The following KCTD16 variants were observed in gnomAD, a reference collection of about 807,000 sequenced individuals.
The protein encoded by KCTD16 is potassium channel tetramerization domain containing 16, also known as BTB/POZ domain-containing protein KCTD16.
Under a neutral mutation model 33.2 loss-of-function variants are expected in KCTD16, and 13 were observed. The ratio of observed to expected loss-of-function variants is 0.39; its 90% confidence interval spans 0.25 to 0.62. The LOEUF (loss-of-function observed/expected upper bound fraction) is 0.62. Among genes scored for constraint, KCTD16 ranks in the 20% least tolerant of loss-of-function variants. KCTD16 has a pLI of 0.50. For missense variants in KCTD16, 441 were observed against 525.1 expected, an observed-to-expected ratio of 0.84 and a Z score of 1.57; for synonymous variants, 197 against 195.3, an observed-to-expected ratio of 1.01 and a Z score of -0.07.
At chr5:144,435,087 A>T (rs2126972108) in intron 3 of KCTD16, among the ~76,000 whole-genome samples, 1 of 152,312 alleles carries the variant, frequency 6.6e-6, no homozygotes, top group South Asian at 2.1e-4. Flanking sequence ...TTCTTAAAAA[A>T]GTTTTTGTGA....
chr5:144,266,669 C>T (rs1174212978), intron 3 of KCTD16, among the ~76,000 whole-genome samples: 1 of 152,170 alleles, frequency 6.6e-6, no homozygotes, highest in Non-Finnish European at 1.5e-5. Flanking sequence ...CTGTAAAACA[C>T]AAATGAGTTT....
chr5:144,463,499 T>G (rs183326787), intron 3 of KCTD16, among the ~76,000 whole-genome samples: 1 of 152,312 alleles, frequency 6.6e-6, no homozygotes, highest in Non-Finnish European at 1.5e-5. Flanking sequence ...CACTCTCCTA[T>G]CAGAGAAGCA....
At chr5:144,456,486 G>A (rs1216485151) in intron 3 of KCTD16, among the ~76,000 whole-genome samples, 1 of 152,066 alleles carries the variant, frequency 6.6e-6, no homozygotes, top group African/African-American at 2.4e-5. Context: ...CGCACACAGG[G>A]GGGTCAGGGG....
At position 144,206,856 on chromosome 5, in the gene KCTD16, C is replaced by T. The variant is rs772167812; in HGVS notation, c.142C>T (p.His48Tyr). 6 of 1,614,182 alleles carry T rather than the reference C, an allele frequency of 3.7e-6. No individual in the cohort carries two copies. The Admixed American group carries it at 6.7e-5, about 18-fold the overall frequency. ...TRHSTLISIP[H>Y]SLLWKMFSPK... ...CCATTCCACATTGATAAGCATCCCT[C>T]ATTCCCTCCTGTGGAAAATGTTTTC... is the stretch of plus-strand genomic sequence containing the variant. Residue 48 changes from histidine to tyrosine, a missense_variant, in exon 3 of 4, where the codon CAT becomes TAT. By Grantham distance (83) the His-to-Tyr change is moderately conservative (BLOSUM62 2). Coordinates refer to ENST00000512467, the MANE Select transcript of KCTD16 (RefSeq NM_020768.4).
intron 3 of KCTD16, among the ~76,000 whole-genome samples, chr5:144,467,207 C>G (rs1051135825): frequency 6.7e-6 from 1 of 150,282 alleles, no homozygotes; most frequent in Non-Finnish European, 1.5e-5. Flanking sequence ...ATGTTTTTGT[C>G]ATATGTATAT....
At chr5:144,451,253 G>GA (rs772346707) in intron 3 of KCTD16, among the ~76,000 whole-genome samples, 12 of 152,056 alleles carry the variant, frequency 7.9e-5, no homozygotes, top group Non-Finnish European at 1.8e-4. Context: ...AAATTAGAGA[G>GA]CAGATTTTTT....
intron 3 of KCTD16, among the ~76,000 whole-genome samples, chr5:144,346,448 G>A (rs1346969495): frequency 6.6e-6 from 1 of 151,996 alleles, no homozygotes; most frequent in African/African-American, 2.4e-5. Context: ...TCTCCAAAGT[G>A]GCTGTGCTCA....
At chr5:144,432,828 A>T (rs1753494873) in intron 3 of KCTD16, among the ~76,000 whole-genome samples, 1 of 152,112 alleles carries the variant, frequency 6.6e-6, no homozygotes, top group African/African-American at 2.4e-5. Context: ...TGTACCAGCT[A>T]CCTATATATG....
chr5:144,476,855 T>C lies in KCTD16; in HGVS notation c.*2741T>C, dbSNP rs553807119. Reference sequence around the variant, plus strand: ...GCATGTTTCCCTGAAGTTAAAATAGTTTTTAGAACTTTTTGTTTAATTCTG... The same window carrying C: ...GCATGTTTCCCTGAAGTTAAAATAGCTTTTAGAACTTTTTGTTTAATTCTG... On this transcript the variant is annotated 3_prime_UTR_variant, in exon 4 of 4. Transcript: ENST00000512467. The C allele has an allele frequency of 3.3e-5, 5 of 152,186 alleles. No homozygotes were observed. In the East Asian group the frequency reaches 9.7e-4, roughly 29 times the overall value. 9.4% of individuals were successfully genotyped at this position (152,186 alleles called of 1,614,324 possible).
At chr5:144,408,525 C>T (rs986606077) in intron 3 of KCTD16, among the ~76,000 whole-genome samples, 1 of 152,166 alleles carries the variant, frequency 6.6e-6, no homozygotes, top group Admixed American at 6.5e-5. Context: ...GTCTTTGGCT[C>T]ATTTGTTACA....
chr5:144,256,259 C>T (rs1249555152), intron 3 of KCTD16, among the ~76,000 whole-genome samples: 2 of 152,168 alleles, frequency 1.3e-5, no homozygotes, highest in Admixed American at 1.3e-4. Flanking sequence ...ATTCTTTGTA[C>T]GGATATAAAC....
intron 3 of KCTD16, among the ~76,000 whole-genome samples, chr5:144,343,842 G>A (rs1179477516): frequency 6.6e-6 from 1 of 152,152 alleles, no homozygotes; most frequent in Admixed American, 6.5e-5. Flanking sequence ...TATGTACCCA[G>A]TAGTCATTCA....
intron 3 of KCTD16, among the ~76,000 whole-genome samples, chr5:144,275,486 T>G (rs764537823): frequency 6.6e-6 from 1 of 152,142 alleles, no homozygotes; most frequent in Non-Finnish European, 1.5e-5. Context: ...CTTTGGAGAT[T>G]TCTCCCCTTT....
intron 3 of KCTD16, among the ~76,000 whole-genome samples, chr5:144,322,371 A>C (rs374685968): frequency 2.6e-5 from 4 of 152,158 alleles, no homozygotes; most frequent in African/African-American, 7.2e-5. Context: ...ATGTGATATA[A>C]GTTGATCTAA....
At chr5:144,271,330 G>GAA (rs1755288687) in intron 3 of KCTD16, among the ~76,000 whole-genome samples, 1 of 151,836 alleles carries the variant, frequency 6.6e-6, no homozygotes, top group African/African-American at 2.4e-5. Flanking sequence ...TTTATTTTTG[G>GAA]AATTCAAGGA....
chr5:144,317,512 G>A lies in KCTD16; in HGVS notation c.832+109966G>A, dbSNP rs147888036. Reference sequence around the variant, plus strand: ...AAAATTTGTGAACCATTGGTCAACCGGAGAAAGCCCAAACTTCTTAATGTG... The same window carrying A: ...AAAATTTGTGAACCATTGGTCAACCAGAGAAAGCCCAAACTTCTTAATGTG... On this transcript the variant is annotated intron_variant, in intron 3 of 3. Transcript: ENST00000512467. Among the ~76,000 whole-genome samples, 353 of 152,240 alleles carry A rather than the reference G, an allele frequency of 2.3e-3. 2 individuals carry two copies. Among genetic ancestry groups the A allele is most frequent in the Middle Eastern group, 6.8e-3 (2 of 294 alleles).
chr5:144,175,421 C>T (rs116987197), intron 2 of KCTD16, among the ~76,000 whole-genome samples: 6 of 152,048 alleles, frequency 3.9e-5, no homozygotes, highest in Non-Finnish European at 7.4e-5. Flanking sequence ...ATCTAAAATG[C>T]GATTACTGAA....
At chr5:144,217,215 C>G (rs556255972) in intron 3 of KCTD16, among the ~76,000 whole-genome samples, 18 of 152,302 alleles carry the variant, frequency 1.2e-4, no homozygotes, top group African/African-American at 4.3e-4. Context: ...GGCTTAAGCA[C>G]TCATTTACAT....
intron 3 of KCTD16, among the ~76,000 whole-genome samples, chr5:144,414,606 T>C (rs1753005446): frequency 6.6e-6 from 1 of 152,246 alleles, no homozygotes; most frequent in East Asian, 1.9e-4. Context: ...TCAGAATATC[T>C]TGCTGGTACA....
Sources: gnomAD v4.1 joint callset for allele counts (sites outside exome capture counted in the v4.1 genomes callset) on GRCh38, gnomAD v4.1.1 for gene constraint, MANE v1.5 for transcripts, NCBI Gene and HGNC (gene_info 2026-07-23, HGNC 2026-07-21) for gene names.